Variants in CCDC91 observed in about 807,000 individuals in gnomAD.
The protein encoded by CCDC91 is coiled-coil domain-containing protein 91.
Under a neutral mutation model 63.2 loss-of-function variants are expected in CCDC91, and 48 were observed. That is an observed-to-expected ratio of 0.76 (90% CI 0.60 to 0.97). The LOEUF is 0.97. Among genes scored for constraint, CCDC91 ranks in the 50% least tolerant of loss-of-function variants. CCDC91 has a pLI of 0.00. For synonymous variants in CCDC91, 167 were observed against 165.8 expected, an observed-to-expected ratio of 1.01 and a Z score of -0.06; for missense variants, 500 against 494.6, an observed-to-expected ratio of 1.01 and a Z score of -0.10.
intron 12 of CCDC91, among the ~76,000 whole-genome samples, chr12:28,500,464 A>T (rs548411186): frequency 6.7e-6 from 1 of 149,732 alleles, no homozygotes; most frequent in African/African-American, 2.4e-5. Context: ...TTCTAGGGGC[A>T]CCTCATTTTT....
chr12:28,482,721 A>G (rs1951513010), intron 11 of CCDC91, among the ~76,000 whole-genome samples: 1 of 151,872 alleles, frequency 6.6e-6, no homozygotes, highest in African/African-American at 2.4e-5. Flanking sequence ...ATTTGTACAA[A>G]ATGTCAAAAG....
At chr12:28,257,701 T>C (rs1946542305) in intron 2 of CCDC91, among the ~76,000 whole-genome samples, 1 of 152,144 alleles carries the variant, frequency 6.6e-6, no homozygotes, top group Non-Finnish European at 1.5e-5. Context: ...TATGTTTGTA[T>C]TGTTAGATTA....
intron 12 of CCDC91, among the ~76,000 whole-genome samples, chr12:28,511,491 A>G (rs1288009981): frequency 6.6e-6 from 1 of 151,762 alleles, no homozygotes; most frequent in Non-Finnish European, 1.5e-5. Context: ...TATCCTATTT[A>G]CTATTTCAAA....
At chr12:28,420,467 A>G (rs1436048646) in intron 8 of CCDC91, among the ~76,000 whole-genome samples, 1 of 152,130 alleles carries the variant, frequency 6.6e-6, no homozygotes. Context: ...CATTAGAGGA[A>G]TTGTTATATG....
chr12:28,297,518 C>G (rs1949628262), intron 3 of CCDC91, among the ~76,000 whole-genome samples: 1 of 151,898 alleles, frequency 6.6e-6, no homozygotes, highest in Non-Finnish European at 1.5e-5. Flanking sequence ...CTTATATTCT[C>G]TAAATCTTAG....
rs145697767 is a variant in CCDC91 at position 28,310,185 on chromosome 12, A to T, written c.576+2436A>T. On this transcript the variant is annotated intron_variant, in intron 6 of 12. Transcript: ENST00000536442. ...AAGGCATAGTACTGAATAATGAGAT[A>T]ACTTTGTGTTTCTTTGTCTCCACTG... 3.9e-3 allele frequency among the ~76,000 whole-genome samples: 596 copies of T among 152,170 alleles called. 7 individuals carry two copies. Among genetic ancestry groups the T allele is most frequent in the African/African-American group, 0.014 (564 of 41,550 alleles).
intron 1 of CCDC91, among the ~76,000 whole-genome samples, chr12:28,238,697 GTATCTACATAATA>G (rs1163990807): frequency 3.3e-5 from 5 of 152,040 alleles, no homozygotes; most frequent in East Asian, 3.9e-4. Flanking sequence ...TATTTATTAT[GTATCTACATAATA>G]TATCTACATA....
intron 6 of CCDC91, among the ~76,000 whole-genome samples, chr12:28,352,209 A>G (rs977917403): frequency 1.3e-5 from 2 of 152,170 alleles, no homozygotes; most frequent in Non-Finnish European, 1.5e-5. Flanking sequence ...TTTGCTGGTG[A>G]AGGATTTTGC....
At chr12:28,495,015 C>T (rs1346336744) in intron 12 of CCDC91, among the ~76,000 whole-genome samples, 1 of 151,704 alleles carries the variant, frequency 6.6e-6, no homozygotes, top group South Asian at 2.1e-4. Flanking sequence ...TTCTGATAAG[C>T]ATCCATTCTG....
chr12:28,480,580 CAT>C (rs565383768), intron 11 of CCDC91, among the ~76,000 whole-genome samples: 14 of 152,118 alleles, frequency 9.2e-5, no homozygotes, highest in African/African-American at 2.6e-4. Context: ...CCCAGCATAA[CAT>C]GTGTATCTCA....
At chr12:28,316,404 CTCA>C (rs1475352020) in intron 6 of CCDC91, among the ~76,000 whole-genome samples, 8 of 151,532 alleles carry the variant, frequency 5.3e-5, no homozygotes, top group African/African-American at 1.2e-4. Context: ...TCTAAAATCT[CTCA>C]TCATTTCTGA....
At chr12:28,365,894 G>A (rs1340673498) in intron 7 of CCDC91, among the ~76,000 whole-genome samples, 3 of 152,062 alleles carry the variant, frequency 2.0e-5, no homozygotes, top group Non-Finnish European at 4.4e-5. Context: ...CTGGCTCCTG[G>A]GGATCTTACG....
At chr12:28,496,240 A>G (rs1318656776) in intron 12 of CCDC91, among the ~76,000 whole-genome samples, 1 of 151,706 alleles carries the variant, frequency 6.6e-6, no homozygotes, top group African/African-American at 2.4e-5. Context: ...TTTGCTGCAC[A>G]TTCCCATCAA....
At chr12:28,193,878 T>A (rs1056436623) in intron 1 of CCDC91, among the ~76,000 whole-genome samples, 4 of 152,310 alleles carry the variant, frequency 2.6e-5, no homozygotes, top group Middle Eastern at 3.4e-3. Context: ...TGAAATCGTT[T>A]GTTCGTTTTT....
chr12:28,432,744 G>C (rs534770651), intron 8 of CCDC91, among the ~76,000 whole-genome samples: 34 of 152,246 alleles, frequency 2.2e-4, no homozygotes, highest in Non-Finnish European at 4.1e-4. Context: ...CCACAGAAGT[G>C]TGATTTCTGG....
At chr12:28,237,577 C>T (rs1181667181) in intron 1 of CCDC91, among the ~76,000 whole-genome samples, 1 of 152,078 alleles carries the variant, frequency 6.6e-6, no homozygotes, top group South Asian at 2.1e-4. Flanking sequence ...CCAAGGAATA[C>T]CAGCAGCTAT....
intron 3 of CCDC91, among the ~76,000 whole-genome samples, chr12:28,281,847 A>G (rs975953915): frequency 2.0e-5 from 3 of 152,154 alleles, no homozygotes; most frequent in Non-Finnish European, 4.4e-5. Flanking sequence ...CTGAAAGGAC[A>G]TACTTTTTTG....
At chr12:28,457,027 A>G (rs148551830) in intron 11 of CCDC91, among the ~76,000 whole-genome samples, 2 of 152,288 alleles carry the variant, frequency 1.3e-5, no homozygotes, top group Non-Finnish European at 2.9e-5. Context: ...TTCACACGTA[A>G]CAGTTTTACT....
At chr12:28,439,771 C>T (rs1376388371) in intron 8 of CCDC91, among the ~76,000 whole-genome samples, 2 of 141,016 alleles carry the variant, frequency 1.4e-5, no homozygotes, top group Non-Finnish European at 3.0e-5. Context: ...GTAAAAACCA[C>T]AGAACCTCTA....
Sources: gnomAD v4.1 joint callset for allele counts (sites outside exome capture counted in the v4.1 genomes callset) on GRCh38, gnomAD v4.1.1 for gene constraint, MANE v1.5 for transcripts, NCBI Gene and HGNC (gene_info 2026-07-23, HGNC 2026-07-21) for gene names.